The following SYT16 variants were observed in gnomAD, a reference collection of about 807,000 sequenced individuals.
SYT16 encodes the protein synaptotagmin 16, also known as synaptotagmin-16.
In SYT16, 42 loss-of-function variants were observed where a neutral mutation model predicts 61.4. The ratio of observed to expected loss-of-function variants is 0.68; its 90% CI spans 0.53 to 0.89. The LOEUF is 0.89. Ranked by LOEUF, SYT16 falls within the 40% of genes least tolerant of loss-of-function variation. The pLI is 0.00. For missense variants in SYT16, 804 were observed against 807.3 expected (o/e 1.00, Z 0.05); for synonymous variants, 314 against 302.3 (o/e 1.04, Z -0.40).
intron 2 of SYT16, among the ~76,000 whole-genome samples, chr14:61,970,568 T>A (rs974939769): frequency 4.6e-5 from 7 of 152,206 alleles, no homozygotes; most frequent in Admixed American, 1.3e-4. Flanking sequence ...AGAGCCTTGA[T>A]GCGTTTTAGT....
At chr14:62,003,652 T>A (rs2053110649) in intron 3 of SYT16, among the ~76,000 whole-genome samples, 1 of 152,088 alleles carries the variant, frequency 6.6e-6, no homozygotes, top group African/African-American at 2.4e-5. Flanking sequence ...AACATAGAGT[T>A]TATATGCTTA....
chr14:62,027,580 G>C (rs1361501178), intron 3 of SYT16, among the ~76,000 whole-genome samples: 1 of 152,140 alleles, frequency 6.6e-6, no homozygotes, highest in Non-Finnish European at 1.5e-5. Flanking sequence ...AGCATGAGTT[G>C]GTTGTTCATT....
intron 3 of SYT16, among the ~76,000 whole-genome samples, chr14:62,064,457 A>G (rs2055972206): frequency 6.6e-6 from 1 of 152,070 alleles, no homozygotes; most frequent in Non-Finnish European, 1.5e-5. Flanking sequence ...ATGGTGGGCA[A>G]ATCACTTCAG....
chr14:61,861,225 C>G (rs982663847), intron 1 of SYT16, among the ~76,000 whole-genome samples: 1 of 152,140 alleles, frequency 6.6e-6, no homozygotes, highest in Non-Finnish European at 1.5e-5. Context: ...TGTTGTCATT[C>G]TATTTCTTTA....
chr14:62,009,638 T>TA (rs2053365488), intron 3 of SYT16, among the ~76,000 whole-genome samples: 1 of 152,234 alleles, frequency 6.6e-6, no homozygotes, highest in Non-Finnish European at 1.5e-5. Flanking sequence ...AAAAGAGCAG[T>TA]AAAAAGACAT....
chr14:61,891,179 A>G (rs2048111030), intron 1 of SYT16, among the ~76,000 whole-genome samples: 1 of 151,738 alleles, frequency 6.6e-6, no homozygotes, highest in African/African-American at 2.4e-5. Context: ...TTGAGAACTG[A>G]ATCCTTTAAT....
chr14:62,019,219 C>T lies in SYT16; in HGVS notation c.523+22677C>T, dbSNP rs2053823571. Among the ~76,000 whole-genome samples, 7 of 152,170 alleles carry T rather than the reference C, an allele frequency of 4.6e-5. No homozygotes were observed. In the South Asian group the frequency reaches 1.4e-3, roughly 32 times the overall value. The stretch of plus-strand genomic sequence containing the variant: ...TAATACAAAAGATTTTATTTTTAAG[C>T]TTGAATTTTAGCAGATCATCTAGCA... On this transcript the variant is annotated intron_variant, in intron 3 of 7. Coordinates refer to ENST00000683842, the MANE Select transcript of SYT16 (RefSeq NM_001367656.1).
intron 3 of SYT16, among the ~76,000 whole-genome samples, chr14:62,022,437 G>A (rs149706431): frequency 3.0e-4 from 45 of 152,188 alleles, no homozygotes; most frequent in African/African-American, 1.0e-3. Flanking sequence ...TGCACTGGCT[G>A]TTTCTGCGAG....
intron 3 of SYT16, among the ~76,000 whole-genome samples, chr14:62,029,223 G>A (rs1264453214): frequency 2.0e-5 from 3 of 152,274 alleles, no homozygotes; most frequent in South Asian, 2.1e-4. Context: ...CTGCCTCCCC[G>A]GTTCAAGTGA....
chr14:61,957,772 T>C (rs747050062), intron 1 of SYT16, among the ~76,000 whole-genome samples: 1 of 152,002 alleles, frequency 6.6e-6, no homozygotes, highest in Non-Finnish European at 1.5e-5. Flanking sequence ...TTTTATTTTC[T>C]TGTGGTGGTT....
intron 3 of SYT16, among the ~76,000 whole-genome samples, chr14:62,047,529 G>A (rs1335121789): frequency 1.3e-5 from 2 of 152,132 alleles, no homozygotes; most frequent in Non-Finnish European, 2.9e-5. Context: ...GGAGTGGTGA[G>A]AGAGGGCATC....
chr14:62,079,886 G>A (rs765381826), intron 5 of SYT16, among the ~76,000 whole-genome samples: 3 of 152,176 alleles, frequency 2.0e-5, no homozygotes, highest in Non-Finnish European at 4.4e-5. Context: ...ATTCCATAAA[G>A]AGGGATGTGT....
intron 3 of SYT16, among the ~76,000 whole-genome samples, chr14:62,064,815 AATAAGTTAACAT>A (rs898703860): frequency 1.3e-5 from 2 of 152,196 alleles, no homozygotes; most frequent in African/African-American, 4.8e-5. Flanking sequence ...GTGAGGGGTA[AATAAGTTAACAT>A]ATGTCAAGCA....
At chr14:61,818,677 C>CAAAAAA (rs61559295) in intron 1 of SYT16, among the ~76,000 whole-genome samples, 1 of 74,390 alleles carries the variant, frequency 1.3e-5, no homozygotes, top group African/African-American at 4.7e-5. Flanking sequence ...GACTCTGTCT[C>CAAAAAA]AAAAAAAAAA....
intron 3 of SYT16, among the ~76,000 whole-genome samples, chr14:62,009,345 T>C (rs573514364): frequency 6.6e-6 from 1 of 152,316 alleles, no homozygotes; most frequent in African/African-American, 2.4e-5. Flanking sequence ...CATGGGTTCA[T>C]GGACCTCCTG....
chr14:61,861,778 A>C (rs898118307), intron 1 of SYT16, among the ~76,000 whole-genome samples: 2 of 152,218 alleles, frequency 1.3e-5, no homozygotes, highest in African/African-American at 2.4e-5. Flanking sequence ...GCAATAAAGC[A>C]AGTATCTCAA....
intron 2 of SYT16, among the ~76,000 whole-genome samples, chr14:61,991,500 A>G (rs969252137): frequency 1.3e-5 from 2 of 152,056 alleles, no homozygotes; most frequent in African/African-American, 2.4e-5. Context: ...CTAAGCCCCA[A>G]AGATATCTCC....
At chr14:61,820,469 G>GGTTTTTTTTTT (rs2045578027) in intron 1 of SYT16, among the ~76,000 whole-genome samples, 3 of 61,084 alleles carry the variant, frequency 4.9e-5, no homozygotes, top group African/African-American at 2.1e-4. Flanking sequence ...CCTCTTCAGA[G>GGTTTTTTTTTT]TTTTTTTTTT....
At chr14:61,884,764 A>G (rs926964633) in intron 1 of SYT16, among the ~76,000 whole-genome samples, 1 of 152,156 alleles carries the variant, frequency 6.6e-6, no homozygotes, top group Non-Finnish European at 1.5e-5. Flanking sequence ...TTGGAGTGCA[A>G]AAAGCTTTTG....
Sources: allele counts gnomAD v4.1 joint callset (sites outside exome capture counted in the v4.1 genomes callset), GRCh38; gene constraint gnomAD v4.1.1; transcripts MANE v1.5; gene names NCBI Gene and HGNC (gene_info 2026-07-23, HGNC 2026-07-21).